ITPR3: variants seen among roughly 807,000 people sequenced by gnomAD.
The protein encoded by ITPR3 is inositol 1,4,5-trisphosphate receptor type 3, also known as inositol 1,4,5-trisphosphate-gated calcium channel ITPR3.
A neutral mutation model predicts 293.2 loss-of-function variants in ITPR3; 173 were observed. The ratio of observed to expected loss-of-function variants is 0.59; its 90% CI spans 0.52 to 0.67. The LOEUF is 0.67. Among genes scored for constraint, ITPR3 ranks in the 30% least tolerant of loss-of-function variants. ITPR3 has a pLI of 0.00. For synonymous variants in ITPR3, 1,295 were observed against 1,444.4 expected (o/e 0.90, Z 2.35); for missense variants, 2,796 against 3,592.1 (o/e 0.78, Z 5.66).
Position 33,685,755 on chromosome 6 carries a change from A to G in ITPR3, c.5595A>G (p.Thr1865=). 6.2e-7 allele frequency: 1 copy of G among 1,604,972 alleles called. No individual in the cohort carries two copies. The highest frequency in any genetic ancestry group is 8.5e-7 in the Non-Finnish European group (1 of 1,173,818). Residue 1865 remains threonine, a synonymous_variant, in exon 41 of 58, where the codon ACA becomes ACG. Coordinates refer to ENST00000605930, the MANE Select transcript of ITPR3 (RefSeq NM_002224.4). ...GTGTGCAGAGCAGTGAGATGGGCACATCCGTGCTCATCATGCAGCCCATCC... is the reference window on the plus strand; with the variant it reads ...GTGTGCAGAGCAGTGAGATGGGCACGTCCGTGCTCATCATGCAGCCCATCC... ...SERVQSSEMG[T]SVLIMQPILR...
At position 33,695,095 on chromosome 6, in the gene ITPR3, CCG is replaced by C. The variant is rs1223716732; in HGVS notation, c.7947+12_7947+13del. 2 of 1,612,358 alleles carry C rather than the reference CCG, an allele frequency of 1.2e-6. No individual in the cohort carries two copies. The highest frequency in any genetic ancestry group is 1.7e-6 in the Non-Finnish European group (2 of 1,179,314). Reference sequence around the variant, plus strand: ...CGAGCTCAAGGAGCAGGTGTGCACCCCGCCTGATCCCAGGCCCACCCTGGGTT... The same window carrying C: ...CGAGCTCAAGGAGCAGGTGTGCACCCCCTGATCCCAGGCCCACCCTGGGTT... On this transcript the variant is annotated intron_variant, in intron 57 of 57. Coordinates refer to ENST00000605930, the MANE Select transcript of ITPR3 (RefSeq NM_002224.4).
intron 24 of ITPR3, 50 bp downstream of exon 24, chr6:33,674,315 AC>A: frequency 6.4e-7 from 1 of 1,572,682 alleles, no homozygotes; most frequent in Non-Finnish European, 8.7e-7. Flanking sequence ...GAGGCTCGAC[AC>A]CCCCTCTTGG....
rs766509460 is a variant in ITPR3 at position 33,658,770 on chromosome 6, A to G, written c.470A>G (p.Asn157Ser). 3.7e-6 allele frequency: 6 copies of G among 1,614,074 alleles called. No homozygotes were observed. In the East Asian group the frequency reaches 6.7e-5, roughly 18 times the overall value. The change falls in exon 5 of 58, where the codon AAC (asparagine) becomes AGC (serine). Residue 157 changes from asparagine to serine, a missense_variant. Physicochemically the swap from Asn to Ser is conservative, Grantham distance 46. Coordinates refer to ENST00000605930, the MANE Select transcript of ITPR3 (RefSeq NM_002224.4). This position sits in a 1 kb window ranked among gnomAD's most constrained non-coding sequence, Gnocchi z 6.1. ...CGGGTGACTCTGGATGCCACAGGCAACGAGGGTTCCTGGCTCTTCATCCAG... is the reference window on the plus strand; with the variant it reads ...CGGGTGACTCTGGATGCCACAGGCAGCGAGGGTTCCTGGCTCTTCATCCAG... ...AMRVTLDATG[N>S]EGSWLFIQPF...
rs141205726 is a variant in ITPR3 at position 33,640,520 on chromosome 6, C to G, written c.126C>G (p.Ala42=). The G allele has an allele frequency of 6.2e-7, 1 of 1,613,648 alleles. No individual in the cohort carries two copies. The highest frequency in any genetic ancestry group is 1.7e-5 in the Admixed American group (1 of 59,944). Residue 42 remains alanine (A), a synonymous_variant, in exon 2 of 58, where the codon GCC becomes GCG. Transcript: ENST00000605930. ...ACCGCTGTGTGGTGGAGCCCGCGGC[C>G]GGGGACCTGGACAACCCCCCTAAGA... ...VDDRCVVEPA[A]GDLDNPPKKF...
intron 2 of ITPR3, among the ~76,000 whole-genome samples, chr6:33,651,047 C>T (rs10947423): frequency 0.18 from 27,058 of 151,854 alleles, 3,099 homozygotes; most frequent in South Asian, 0.26. Context: ...GAGGCCGAGA[C>T]GGGTGGATCA....
At position 33,621,771 on chromosome 6, in the gene ITPR3, GC is replaced by G. The variant is rs796337505; in HGVS notation, c.89+82del. 69 of 1,068,706 alleles carry G rather than the reference GC, an allele frequency of 6.5e-5. No individual in the cohort carries two copies. Among genetic ancestry groups the G allele is most frequent in the African/African-American group, 5.7e-4 (36 of 63,378 alleles). 66.2% of individuals were successfully genotyped at this position (1,068,706 alleles called of 1,614,324 possible). A position where few individuals can be genotyped will look rare whatever the true frequency, so the allele number is the denominator to read the frequency against. On this transcript the variant is annotated intron_variant, in intron 1 of 57. Transcript: ENST00000605930. The surrounding 1 kb of genome is among the most constrained non-coding windows in gnomAD (Gnocchi z 7.7). ...TGGTGCCAGCTGCGTGCGTCCAGCC[GC>G]CGCCCCCCGATAGAGGCCTGGACGT...
At position 33,675,598 on chromosome 6, in the gene ITPR3, G is replaced by A. The variant is rs1247574283; in HGVS notation, c.3117-93G>A. ...GCCCTGCATCTGCTAATTGGGTGGC[G>A]GAGAGTGTGCTTGTGCCAGGGCCCC... is the stretch of plus-strand genomic sequence containing the variant. On this transcript the variant is annotated intron_variant, in intron 24 of 57. Transcript: ENST00000605930. The surrounding 1 kb of genome is among the most constrained non-coding windows in gnomAD (Gnocchi z 5.0). 24 of 1,388,932 alleles carry A rather than the reference G, an allele frequency of 1.7e-5. No homozygotes were observed. The highest frequency in any genetic ancestry group is 2.4e-4 in the Middle Eastern group (1 of 4,162). 86.0% of individuals were successfully genotyped at this position (1,388,932 alleles called of 1,614,324 possible).
At chr6:33,651,115 A>G (rs565441450) in intron 2 of ITPR3, among the ~76,000 whole-genome samples, 2 of 152,116 alleles carry the variant, frequency 1.3e-5, no homozygotes, top group African/African-American at 4.8e-5. Context: ...TCTCTACTGA[A>G]AAATACAAAA....
intron 20 of ITPR3, 35 bp from the exon 21 acceptor site, chr6:33,671,130 C>T (rs565427756): frequency 4.3e-6 from 7 of 1,611,334 alleles, no homozygotes; most frequent in Middle Eastern, 1.7e-4. Flanking sequence ...CGCGCCGGCC[C>T]CTCCCACCTC....
At chr6:33,649,137 C>T (rs951372681) in intron 2 of ITPR3, among the ~76,000 whole-genome samples, 2 of 152,160 alleles carry the variant, frequency 1.3e-5, no homozygotes, top group African/African-American at 2.4e-5. Flanking sequence ...ACTCCTGACC[C>T]CGTGATCCAC....
At position 33,675,065 on chromosome 6, in the gene ITPR3, G is replaced by A. The variant is rs1764869593; in HGVS notation, c.3117-626G>A. On this transcript the variant is annotated intron_variant, in intron 24 of 57. Transcript: ENST00000605930. The surrounding 1 kb of genome is among the most constrained non-coding windows in gnomAD (Gnocchi z 5.0). ...AAGATGTAACATTTTCTCCATCTCT[G>A]TTCATGGGCCCCGCTTCTATCCATG... is the stretch of plus-strand genomic sequence containing the variant. 6.6e-6 allele frequency among the ~76,000 whole-genome samples: 1 copy of A among 152,200 alleles called. No homozygotes were observed. The highest frequency in any genetic ancestry group is 2.1e-4 in the South Asian group (1 of 4,824).
chr6:33,648,421 T>G (rs1340076884), intron 2 of ITPR3, among the ~76,000 whole-genome samples: 4 of 151,998 alleles, frequency 2.6e-5, no homozygotes, highest in African/African-American at 9.7e-5. Flanking sequence ...CTAAGATAGA[T>G]GATAATTTAG....
chr6:33,658,053 C>T lies in ITPR3; in HGVS notation c.369+35C>T. On this transcript the variant is annotated intron_variant, in intron 4 of 57. Transcript: ENST00000605930. The surrounding 1 kb of genome is among the most constrained non-coding windows in gnomAD (Gnocchi z 6.1). The stretch of plus-strand genomic sequence containing the variant: ...GCCTGCCTCTCTCCCGCCTGCCCCT[C>T]TCCCTGCCTAAGAGGCTGGGCTGGT... 6.3e-7 allele frequency: 1 copy of T among 1,578,346 alleles called. No individual in the cohort carries two copies. Among genetic ancestry groups the T allele is most frequent in the East Asian group, 2.3e-5 (1 of 44,184 alleles).
chr6:33,686,562 G>C, intron 43 of ITPR3, 43 bp downstream of exon 43: 1 of 1,370,302 alleles, frequency 7.3e-7, no homozygotes, highest in South Asian at 1.2e-5. Flanking sequence ...GTGTGCATGT[G>C]ATGTGCATGC....
At position 33,633,580 on chromosome 6, in the gene ITPR3, G is replaced by A. The variant is rs1763734211; in HGVS notation, c.90-6904G>A. Among the ~76,000 whole-genome samples the A allele has an allele frequency of 6.6e-6, 1 of 151,786 alleles. No homozygotes were observed. The highest frequency in any genetic ancestry group is 1.5e-5 in the Non-Finnish European group (1 of 67,844). The stretch of plus-strand genomic sequence containing the variant: ...GAGAGCAGGAAAGCGCGGGCGCAGC[G>A]GCACATCACCCGCCCCGCCCCCGGG... On this transcript the variant is annotated intron_variant, in intron 1 of 57. Coordinates refer to ENST00000605930, the MANE Select transcript of ITPR3 (RefSeq NM_002224.4). This position sits in a 1 kb window ranked among gnomAD's most constrained non-coding sequence, Gnocchi z 5.2.
chr6:33,691,071 T>C lies in ITPR3; in HGVS notation c.7187T>C (p.Ile2396Thr). ...VGFLFLKDDF[I>T]LEVDRLPNNH... ...TTCCTCTTCCTCAAGGATGACTTCATTCTCGAGGTCGACCGGCTGCCCAAC... is the reference window on the plus strand; with the variant it reads ...TTCCTCTTCCTCAAGGATGACTTCACTCTCGAGGTCGACCGGCTGCCCAAC... The change falls in exon 52 of 58, where the codon ATT becomes ACT. Residue 2396 changes from isoleucine to threonine, a missense_variant. By Grantham distance (89) the Ile-to-Thr change is moderately conservative. This residue lies in a region of ITPR3 where 568 missense variants were observed against 796.1 expected (regional missense o/e 0.71). Coordinates refer to ENST00000605930, the MANE Select transcript of ITPR3 (RefSeq NM_002224.4). This position sits in a 1 kb window ranked among gnomAD's most constrained non-coding sequence, Gnocchi z 4.9. 1 of 1,614,200 alleles carries C rather than the reference T, an allele frequency of 6.2e-7. No individual in the cohort carries two copies. Among genetic ancestry groups the C allele is most frequent in the African/African-American group, 1.3e-5 (1 of 75,056 alleles).
At position 33,691,027 on chromosome 6, in the gene ITPR3, C is replaced by T; in HGVS notation, c.7143C>T (p.Tyr2381=). ...CCCTGCTGGCCCTCATCCTGGTCTACCTCTTCTCCATCGTCGGCTTCCTCT... is the reference window on the plus strand; with the variant it reads ...CCCTGCTGGCCCTCATCCTGGTCTATCTCTTCTCCATCGTCGGCTTCCTCT... ...LTALLALILV[Y]LFSIVGFLFL... Residue 2381 remains tyrosine (Y), a synonymous_variant, in exon 52 of 58, where the codon TAC becomes TAT. Transcript: ENST00000605930. The surrounding 1 kb of genome is among the most constrained non-coding windows in gnomAD (Gnocchi z 4.9). The T allele has an allele frequency of 1.2e-6, 2 of 1,614,230 alleles. No individual in the cohort carries two copies. Among genetic ancestry groups the T allele is most frequent in the Non-Finnish European group, 1.7e-6 (2 of 1,180,038 alleles).
rs1401362401 is a variant in ITPR3, at chr6:33,673,621, A to G, written c.2959A>G (p.Ile987Val). ...FILNVRLDYR[I>V]SYLLSVFKKE... ...CCTCAATGTCCGCCTGGATTACCGC[A>G]TATCCTACCTGCTGTCTGTCTTCAA... is the stretch of plus-strand genomic sequence containing the variant. Residue 987 changes from isoleucine to valine, a missense_variant, in exon 23 of 58, where the codon ATA (isoleucine) becomes GTA (valine). By Grantham distance (29) the Ile-to-Val change is conservative (BLOSUM62 3). Around this residue, in one of 8 missense-constraint regions of ITPR3, gnomAD observed 955 missense variants for 1,180.8 expected, o/e 0.81. Coordinates refer to ENST00000605930, the MANE Select transcript of ITPR3 (RefSeq NM_002224.4). 2.5e-6 allele frequency: 4 copies of G among 1,614,120 alleles called. No individual in the cohort carries two copies. The highest frequency in any genetic ancestry group is 8.5e-7 in the Non-Finnish European group (1 of 1,180,016).
Position 33,666,055 on chromosome 6 carries a change from C to A in ITPR3, c.1551+79C>A, listed in dbSNP as rs539993855. On this transcript the variant is annotated intron_variant, in intron 14 of 57. Coordinates refer to ENST00000605930, the MANE Select transcript of ITPR3 (RefSeq NM_002224.4). This position sits in a 1 kb window ranked among gnomAD's most constrained non-coding sequence, Gnocchi z 5.1. ...TGCCTTCAACTGCAGGCTCATCCCC[C>A]GCTTTAACAAAAATCAGTATATATG... 1.3e-6 allele frequency: 2 copies of A among 1,499,672 alleles called. No homozygotes were observed. The highest frequency in any genetic ancestry group is 2.2e-4 in the Middle Eastern group (1 of 4,640). 92.9% of individuals were successfully genotyped at this position (1,499,672 alleles called of 1,614,324 possible).
Sources: allele counts gnomAD v4.1 joint callset (sites outside exome capture counted in the v4.1 genomes callset), GRCh38; gene constraint gnomAD v4.1.1; regional missense constraint gnomAD v4.1.1; non-coding constraint Gnocchi (gnomAD v3.1); transcripts MANE v1.5; gene names NCBI Gene and HGNC (gene_info 2026-07-23, HGNC 2026-07-21).